PIKFYVE: variants seen among roughly 807,000 people sequenced by gnomAD.
PIKFYVE encodes the protein 1-phosphatidylinositol 3-phosphate 5-kinase.
PIKFYVE carries 122 observed loss-of-function variants against 257.9 expected under a neutral mutation model. That is an observed-to-expected ratio of 0.47 (90% CI 0.41 to 0.55). The LOEUF (loss-of-function observed/expected upper bound fraction) is 0.55. Ranked by LOEUF, PIKFYVE falls within the 20% of genes least tolerant of loss-of-function variation. PIKFYVE has a pLI of 0.00. For synonymous variants in PIKFYVE, 892 were observed against 868.9 expected (o/e 1.03, Z -0.47); for missense variants, 2,160 against 2,536.6 (o/e 0.85, Z 3.19).
Position 208,350,017 on chromosome 2 carries a change from C to T in PIKFYVE, c.5375-7C>T, listed in dbSNP as rs758898934. 3.1e-6 allele frequency: 5 copies of T among 1,610,848 alleles called. No individual in the cohort carries two copies. In the Admixed American group the frequency reaches 8.4e-5, roughly 27 times the overall value. The stretch of plus-strand genomic sequence containing the variant: ...CTTGGCTTTACTAATGATATTAAAC[C>T]TTTTAGATGAAGTAGATGGAGGAGA... On this transcript the variant is annotated splice_polypyrimidine_tract_variant and splice_region_variant and intron_variant, in intron 35 of 41. Coordinates refer to ENST00000264380, the MANE Select transcript of PIKFYVE (RefSeq NM_015040.4).
intron 16 of PIKFYVE, among the ~76,000 whole-genome samples, chr2:208,319,651 C>T (rs926786056): frequency 6.6e-6 from 1 of 152,150 alleles, no homozygotes; most frequent in Non-Finnish European, 1.5e-5. Context: ...AGCCTGAAAC[C>T]TCAATTGCTA....
chr2:208,355,376 CAT>C lies in PIKFYVE; in HGVS notation c.*72_*73del, dbSNP rs757377053. 9 of 1,223,594 alleles carry C rather than the reference CAT, an allele frequency of 7.4e-6. No individual in the cohort carries two copies. The highest frequency in any genetic ancestry group is 1.1e-5 in the Non-Finnish European group (9 of 835,056). The allele number at this position is 1,223,594 out of a possible 1,614,324, so 75.8% of individuals were successfully genotyped here. The stretch of plus-strand genomic sequence containing the variant: ...GGAACAAAGGACCAAAAATAAGCTA[CAT>C]GTTTTATTTCTTCATCGTGTTCACC... On this transcript the variant is annotated 3_prime_UTR_variant, in exon 42 of 42. Transcript: ENST00000264380.
At chr2:208,293,514 T>C (rs1692576574) in intron 7 of PIKFYVE, among the ~76,000 whole-genome samples, 1 of 152,214 alleles carries the variant, frequency 6.6e-6, no homozygotes, top group Admixed American at 6.5e-5. Context: ...AGAAAGGCTT[T>C]ACTTCTCCTT....
intron 8 of PIKFYVE, 84 bp from the exon 9 acceptor site, chr2:208,300,853 G>T: frequency 6.5e-7 from 1 of 1,548,102 alleles, no homozygotes; most frequent in Non-Finnish European, 8.9e-7. Flanking sequence ...TTCCTTTTAT[G>T]AGTCTAAAAA....
chr2:208,299,322 G>A (rs929289781), intron 8 of PIKFYVE, among the ~76,000 whole-genome samples: 4 of 151,196 alleles, frequency 2.6e-5, no homozygotes, highest in Non-Finnish European at 5.9e-5. Flanking sequence ...ATGGAGTCTC[G>A]CTCTGTCACC....
At chr2:208,288,613 C>T in intron 6 of PIKFYVE, 116 bp from the exon 7 acceptor site, 1 of 1,458,414 alleles carries the variant, frequency 6.9e-7, no homozygotes, top group Non-Finnish European at 9.2e-7. Context: ...AAAAATGACA[C>T]ATAATCTCAT....
intron 5 of PIKFYVE, among the ~76,000 whole-genome samples, chr2:208,281,668 C>T (rs1690824698): frequency 6.6e-6 from 1 of 152,292 alleles, no homozygotes; most frequent in East Asian, 1.9e-4. Context: ...TACAGCCTGT[C>T]TGATCAAAGC....
chr2:208,284,376 GCAGCCTCCCGAGTAGCTGGGATTA>G (rs1272661146), intron 5 of PIKFYVE, among the ~76,000 whole-genome samples: 3 of 147,962 alleles, frequency 2.0e-5, no homozygotes, highest in Non-Finnish European at 4.5e-5. Context: ...TTCTCCCACC[GCAGCCTCCCGAGTAGCTGGGATTA>G]CAGGCACCCG....
At chr2:208,343,094 A>C (rs1698875910) in intron 32 of PIKFYVE, among the ~76,000 whole-genome samples, 1 of 152,090 alleles carries the variant, frequency 6.6e-6, no homozygotes, top group African/African-American at 2.4e-5. Flanking sequence ...CATGCCTGGC[A>C]GCTTGTTCTT....
Position 208,305,033 on chromosome 2 carries a change from T to C in PIKFYVE, c.1636+20T>C. ...AAAAAGGTAGGAGGTAGTCACCATC[T>C]GGAATCCAAACACAGGCTGGACAGC... On this transcript the variant is annotated intron_variant, in intron 12 of 41. Coordinates refer to ENST00000264380, the MANE Select transcript of PIKFYVE (RefSeq NM_015040.4). 1 of 1,613,966 alleles carries C rather than the reference T, an allele frequency of 6.2e-7. No homozygotes were observed. The highest frequency in any genetic ancestry group is 1.1e-5 in the South Asian group (1 of 91,054).
chr2:208,334,004 T>G (rs948414375), intron 24 of PIKFYVE, among the ~76,000 whole-genome samples: 17 of 152,210 alleles, frequency 1.1e-4, no homozygotes, highest in South Asian at 4.1e-4. Flanking sequence ...GTCAGAATTT[T>G]TGCCAAGATA....
At chr2:208,354,796 G>C in intron 41 of PIKFYVE, 151 bp downstream of exon 41, 1 of 696,924 alleles carries the variant, frequency 1.4e-6, no homozygotes, top group South Asian at 1.7e-5. Context: ...ACAATAATGA[G>C]AATTATATAG....
chr2:208,327,460 T>C (rs1235142542), intron 20 of PIKFYVE, among the ~76,000 whole-genome samples: 1 of 152,212 alleles, frequency 6.6e-6, no homozygotes, highest in Non-Finnish European at 1.5e-5. Flanking sequence ...GGATCTCAAG[T>C]CATTTAATGA....
intron 13 of PIKFYVE, among the ~76,000 whole-genome samples, chr2:208,312,773 G>GATTAGAAAAGT (rs1553515984): frequency 1.3e-5 from 2 of 152,058 alleles, no homozygotes; most frequent in African/African-American, 4.8e-5. Flanking sequence ...CACAAAAGGA[G>GATTAGAAAAGT]ATTAGCCTTC....
intron 8 of PIKFYVE, among the ~76,000 whole-genome samples, chr2:208,299,040 C>T (rs1160202484): frequency 6.6e-6 from 1 of 151,802 alleles, no homozygotes; most frequent in East Asian, 2.0e-4. Flanking sequence ...TGGTTTCGCC[C>T]TGTTGGCTAG....
chr2:208,289,679 C>T (rs1316402076), intron 7 of PIKFYVE, among the ~76,000 whole-genome samples: 6 of 152,264 alleles, frequency 3.9e-5, no homozygotes, highest in Non-Finnish European at 5.9e-5. Context: ...ATCCACCCAC[C>T]TCGGCCTCCC....
rs947492225 is a variant in PIKFYVE at position 208,326,489 on chromosome 2, A to C, written c.3618+60A>C. On this transcript the variant is annotated intron_variant, in intron 20 of 41. Transcript: ENST00000264380. ...TTAGGATGTGTTGAATGACTCCTCA[A>C]AGGCAGGCTAAAAAAATCAGTTTGG... is the stretch of plus-strand genomic sequence containing the variant. 6 of 1,547,412 alleles carry C rather than the reference A, an allele frequency of 3.9e-6. No individual in the cohort carries two copies. In the African/African-American group the frequency reaches 8.2e-5, roughly 21 times the overall value.
Position 208,307,096 on chromosome 2 carries a change from A to G in PIKFYVE, c.1636+2083A>G, listed in dbSNP as rs529167799. Among the ~76,000 whole-genome samples the G allele has an allele frequency of 3.3e-5, 5 of 152,276 alleles. 1 individual carries two copies. The highest frequency in any genetic ancestry group is 1.2e-4 in the African/African-American group (5 of 41,574). ...GCCTGGCCCTCAATCCTTTAAAAAG[A>G]TTATCTATCAAAGTTGTAAGTGGCA... On this transcript the variant is annotated intron_variant, in intron 12 of 41. Transcript: ENST00000264380.
rs1454811692 is a variant in PIKFYVE, at chr2:208,355,797, T to A, written c.*492T>A. 6.5e-6 allele frequency: 1 copy of A among 153,460 alleles called. No homozygotes were observed. Among genetic ancestry groups the A allele is most frequent in the Non-Finnish European group, 1.5e-5 (1 of 68,628 alleles). 9.5% of individuals were successfully genotyped at this position (153,460 alleles called of 1,614,324 possible). ...CTGAAACCTTTACAAAAATTCTGATTTATTCCATTAATGGCCGGTTAAACA... is the reference window on the plus strand; with the variant it reads ...CTGAAACCTTTACAAAAATTCTGATATATTCCATTAATGGCCGGTTAAACA... On this transcript the variant is annotated 3_prime_UTR_variant, in exon 42 of 42. Transcript: ENST00000264380.
Sources: gnomAD v4.1 joint callset for allele counts (sites outside exome capture counted in the v4.1 genomes callset) on GRCh38, gnomAD v4.1.1 for gene constraint, MANE v1.5 for transcripts, NCBI Gene and HGNC (gene_info 2026-07-23, HGNC 2026-07-21) for gene names.